Variants in RANBP2 observed in about 807,000 individuals in gnomAD.
RANBP2 encodes the protein E3 SUMO-protein ligase RanBP2.
RANBP2 carries 57 observed loss-of-function variants against 303.6 expected under a neutral mutation model. That is an observed-to-expected ratio of 0.19 (90% confidence interval 0.15 to 0.23). The LOEUF is 0.23. Among genes scored for constraint, RANBP2 ranks in the 10% least tolerant of loss-of-function variants. The pLI is 1.00. For missense variants in RANBP2, 3,138 were observed against 3,780.8 expected (o/e 0.83, Z 4.46); for synonymous variants, 1,167 against 1,301.5 (o/e 0.90, Z 2.23).
the RANBP2 span, among the ~76,000 whole-genome samples, chr2:108,961,079 A>G: frequency 2.0e-5 from 3 of 152,214 alleles, no homozygotes; most frequent in African/African-American, 7.2e-5. Context: ...GTGAGCACGC[A>G]TGGATGCAGA....
the RANBP2 span, among the ~76,000 whole-genome samples, chr2:109,057,055 G>A: frequency 5.3e-5 from 8 of 152,260 alleles, no homozygotes; most frequent in South Asian, 1.7e-3. Context: ...ATGTGTCTTT[G>A]ATATTACCCA....
At chr2:108,878,962 G>T in the RANBP2 span, among the ~76,000 whole-genome samples, 3 of 152,074 alleles carry the variant, frequency 2.0e-5, no homozygotes, top group Admixed American at 6.6e-5. Context: ...GCAAAAAATA[G>T]AATGACAGGA....
the RANBP2 span, among the ~76,000 whole-genome samples, chr2:108,864,589 A>T: frequency 2.0e-5 from 3 of 152,068 alleles, no homozygotes; most frequent in Admixed American, 6.5e-5. Context: ...CGAGGTTAGG[A>T]GATCGAGAGC....
chr2:109,130,101 G>A, the RANBP2 span: 2,394 of 1,335,198 alleles, frequency 1.8e-3, 55 homozygotes, highest in African/African-American at 0.033. Flanking sequence ...GCAGGACCGC[G>A]CCGGCGGCAA....
At chr2:109,278,860 G>T in the RANBP2 span, among the ~76,000 whole-genome samples, 1 of 152,218 alleles carries the variant, frequency 6.6e-6, no homozygotes, top group African/African-American at 2.4e-5. Flanking sequence ...CAAGTGTGGG[G>T]ACGTGCACTC....
the RANBP2 span, among the ~76,000 whole-genome samples, chr2:109,393,066 C>T: frequency 6.6e-6 from 1 of 152,178 alleles, no homozygotes; most frequent in Admixed American, 6.5e-5. Context: ...CTTGCCTGCC[C>T]GTCTCAGTGA....
the RANBP2 span, among the ~76,000 whole-genome samples, chr2:108,843,844 TTGTGTGTG>T: frequency 2.2e-4 from 5 of 22,808 alleles, 1 homozygote; most frequent in Non-Finnish European, 4.5e-4. Flanking sequence ...AGTTCATGTT[TTGTGTGTG>T]TGTGTGTGTG....
chr2:108,969,249 T>G, the RANBP2 span, among the ~76,000 whole-genome samples: 8 of 151,936 alleles, frequency 5.3e-5, no homozygotes, highest in Admixed American at 5.2e-4. Flanking sequence ...TGCCCTCAGC[T>G]CCAACCTCCA....
chr2:109,296,373 G>A, the RANBP2 span, among the ~76,000 whole-genome samples: 6 of 151,876 alleles, frequency 4.0e-5, no homozygotes, highest in East Asian at 1.2e-3. Flanking sequence ...GATTACAGGT[G>A]TGCACCACCA....
chr2:108,884,640 T>C, the RANBP2 span: 1 of 152,186 alleles, frequency 6.6e-6, no homozygotes. Context: ...TCAAGGATGA[T>C]GGTTTTGGCC....
chr2:109,658,696 G>C, the RANBP2 span, among the ~76,000 whole-genome samples: 22 of 151,248 alleles, frequency 1.5e-4, no homozygotes, highest in Admixed American at 7.2e-4. Context: ...GGAGACTGAG[G>C]GGGGCCAGAT....
the RANBP2 span, among the ~76,000 whole-genome samples, chr2:109,499,249 C>T: frequency 1.8e-4 from 28 of 152,068 alleles, no homozygotes; most frequent in African/African-American, 1.7e-4. Flanking sequence ...GATGGGTACC[C>T]GGGCAGTCCA....
At chr2:109,444,882 A>T in the RANBP2 span, among the ~76,000 whole-genome samples, 1 of 152,228 alleles carries the variant, frequency 6.6e-6, no homozygotes, top group African/African-American at 2.4e-5. Context: ...GCATCTTTGA[A>T]ATCAGTATGT....
At chr2:108,994,794 T>TTATATATATATA in the RANBP2 span, among the ~76,000 whole-genome samples, 1 of 114,848 alleles carries the variant, frequency 8.7e-6, no homozygotes, top group African/African-American at 3.6e-5. Flanking sequence ...GTGCATTGGG[T>TTATATATATATA]TATATATATA....
chr2:109,782,123 T>C, the RANBP2 span, among the ~76,000 whole-genome samples: 2 of 8,908 alleles, frequency 2.2e-4, 1 homozygote, highest in African/African-American at 2.5e-4. Context: ...CATTTTATTT[T>C]ATTTTATCCT....
chr2:109,217,775 C>T, the RANBP2 span, among the ~76,000 whole-genome samples: 1 of 152,214 alleles, frequency 6.6e-6, no homozygotes, highest in African/African-American at 2.4e-5. Context: ...TCTTCTCCCG[C>T]CTGCATCTGA....
the RANBP2 span, among the ~76,000 whole-genome samples, chr2:108,925,020 C>T: frequency 6.6e-6 from 1 of 152,234 alleles, no homozygotes; most frequent in Non-Finnish European, 1.5e-5. Flanking sequence ...CTCACTTCCT[C>T]GCCCTTGCCT....
chr2:108,853,900 T>TATTATA, the RANBP2 span, among the ~76,000 whole-genome samples: 1 of 119,074 alleles, frequency 8.4e-6, no homozygotes, highest in Non-Finnish European at 1.6e-5. Context: ...AGTATATATA[T>TATTATA]TATATATTAT....
the RANBP2 span, among the ~76,000 whole-genome samples, chr2:109,639,041 G>C: frequency 0.017 from 2,557 of 152,296 alleles, 41 homozygotes; most frequent in Non-Finnish European, 0.025. Flanking sequence ...GACAGAAGGG[G>C]CTAGTTGACT....
Sources: gnomAD v4.1 joint callset for allele counts (sites outside exome capture counted in the v4.1 genomes callset) on GRCh38, gnomAD v4.1.1 for gene constraint, MANE v1.5 for transcripts, NCBI Gene and HGNC (gene_info 2026-07-23, HGNC 2026-07-21) for gene names.